Variants in UQCR11 observed in about 807,000 individuals in gnomAD.
The protein encoded by UQCR11 is cytochrome b-c1 complex subunit 10.
In UQCR11, 10 loss-of-function variants were observed where a neutral mutation model predicts 7.6. The ratio of observed to expected loss-of-function variants is 1.31; its 90% CI spans 0.81 to 2.22. The LOEUF (loss-of-function observed/expected upper bound fraction) is 2.22. UQCR11 is among the 30% of genes most tolerant of loss of function. The pLI, the probability that UQCR11 is intolerant of heterozygous loss-of-function variation, is 0.00. For synonymous variants in UQCR11, 34 were observed against 34.9 expected (o/e 0.97, Z 0.09); for missense variants, 86 against 75.1 (o/e 1.15, Z -0.54).
rs987279753 is a variant in UQCR11 at position 1,599,327 on chromosome 19, C to T, written c.*28+85G>A. On this transcript the variant is annotated intron_variant, in intron 2 of 2. Coordinates refer to ENST00000591899, the MANE Select transcript of UQCR11 (RefSeq NM_006830.4). ...AGGGGGAGCAGTGAGGGCTGCCGCC[C>T]CGGCTCTGGGAGCCTGGAGAACCCA... is the stretch of plus-strand genomic sequence containing the variant. 2.6e-6 allele frequency: 4 copies of T among 1,542,438 alleles called. No individual in the cohort carries two copies. In the African/African-American group the frequency reaches 5.4e-5, roughly 21 times the overall value.
Position 1,599,448 on chromosome 19 carries a change from C to A in UQCR11, c.163G>T (p.Asp55Tyr), listed in dbSNP as rs1392745450. The A allele has an allele frequency of 6.2e-7, 1 of 1,613,752 alleles. No individual in the cohort carries two copies. The highest frequency in any genetic ancestry group is 1.7e-5 in the Admixed American group (1 of 60,006). Reference sequence around the variant, plus strand: ...GTGAAGGGTTTGTGTAATTAATTATCCTTCTTAAACTTGCCATTGATGTAA... The same window carrying A: ...GTGAAGGGTTTGTGTAATTAATTATACTTCTTAAACTTGCCATTGATGTAA... The part of the protein sequence containing the change: ...VPYINGKFKK[D>Y]N The change falls in exon 2 of 3, where the codon GAT becomes TAT. Residue 55 changes from aspartate (D) to tyrosine (Y), a missense_variant. Coordinates refer to ENST00000591899, the MANE Select transcript of UQCR11 (RefSeq NM_006830.4).
intron 1 of UQCR11, 42 bp downstream of exon 1, chr19:1,605,318 C>T (rs557374027): frequency 6.5e-6 from 10 of 1,544,688 alleles, no homozygotes; most frequent in Admixed American, 4.0e-5. Flanking sequence ...GGGGCTGGGC[C>T]GAGGCGGGAG....
intron 2 of UQCR11, 173 bp downstream of exon 2, chr19:1,599,239 G>T: frequency 1.3e-6 from 1 of 787,740 alleles, no homozygotes; most frequent in African/African-American, 1.7e-5. Flanking sequence ...ACAGTTCTGT[G>T]CCCGTGGGCC....
At chr19:1,601,004 A>G (rs2060745710) in intron 1 of UQCR11, among the ~76,000 whole-genome samples, 1 of 152,036 alleles carries the variant, frequency 6.6e-6, no homozygotes, top group African/African-American at 2.4e-5. Context: ...CCCCATCTCT[A>G]CTAAAAATAC....
chr19:1,600,653 C>G (rs1568282559), intron 1 of UQCR11, among the ~76,000 whole-genome samples: 1 of 152,148 alleles, frequency 6.6e-6, no homozygotes, highest in Non-Finnish European at 1.5e-5. Context: ...AGGAGGCTCA[C>G]TTGAGCCTAG....
At chr19:1,602,734 G>A (rs575734996) in intron 1 of UQCR11, among the ~76,000 whole-genome samples, 2 of 152,168 alleles carry the variant, frequency 1.3e-5, no homozygotes, top group Admixed American at 6.5e-5. Context: ...TTACACGCGT[G>A]AGCCACTGCG....
rs2060734104 is a variant in UQCR11, at chr19:1,597,327, T to C, written c.*917A>G. The stretch of plus-strand genomic sequence containing the variant: ...TTGGGATTGTAGGCTGAGCCACCAC[T>C]CCCAGCCTGTTCATTTTTGTATCCC... On this transcript the variant is annotated 3_prime_UTR_variant, in exon 3 of 3. Transcript: ENST00000591899. The C allele has an allele frequency of 6.6e-6, 1 of 152,076 alleles. No individual in the cohort carries two copies. Among genetic ancestry groups the C allele is most frequent in the Non-Finnish European group, 1.5e-5 (1 of 68,012 alleles). 9.4% of individuals were successfully genotyped at this position (152,076 alleles called of 1,614,324 possible). A position where few individuals can be genotyped will look rare whatever the true frequency, so the allele number is the denominator to read the frequency against.
intron 1 of UQCR11, among the ~76,000 whole-genome samples, chr19:1,600,963 G>A (rs2060745621): frequency 6.6e-6 from 1 of 152,012 alleles, no homozygotes; most frequent in Non-Finnish European, 1.5e-5. Flanking sequence ...GAGGTCAGGA[G>A]TTCAAGACCA....
chr19:1,598,498 C>T (rs1158607584), intron 2 of UQCR11, among the ~76,000 whole-genome samples: 2 of 151,406 alleles, frequency 1.3e-5, no homozygotes, highest in East Asian at 1.9e-4. Flanking sequence ...GCGCCAAGAT[C>T]GCGTCATTGC....
chr19:1,601,703 C>T (rs1394660535), intron 1 of UQCR11, among the ~76,000 whole-genome samples: 1 of 152,062 alleles, frequency 6.6e-6, no homozygotes, highest in Non-Finnish European at 1.5e-5. Flanking sequence ...GAGACTGCAG[C>T]CTCACAAGAG....
Position 1,599,578 on chromosome 19 carries a change from A to T in UQCR11, c.51-18T>A. 2 of 1,605,152 alleles carry T rather than the reference A, an allele frequency of 1.2e-6. No homozygotes were observed. Among genetic ancestry groups the T allele is most frequent in the African/African-American group, 1.3e-5 (1 of 75,036 alleles). ...TCGGGACCCTGCGAGAGGAGAGGGG[A>T]TGGTCAGGCCTGCTCTGGACCCTTT... On this transcript the variant is annotated intron_variant, in intron 1 of 2. Coordinates refer to ENST00000591899, the MANE Select transcript of UQCR11 (RefSeq NM_006830.4).
At chr19:1,605,274 C>T (rs1310976334) in intron 1 of UQCR11, 86 bp downstream of exon 1, 2 of 1,433,756 alleles carry the variant, frequency 1.4e-6, no homozygotes, top group South Asian at 1.4e-5. Flanking sequence ...GCCCGGCCCC[C>T]GGAAACGCGC....
At chr19:1,603,437 C>T (rs1401982876) in intron 1 of UQCR11, among the ~76,000 whole-genome samples, 1 of 152,034 alleles carries the variant, frequency 6.6e-6, no homozygotes, top group East Asian at 1.9e-4. Flanking sequence ...CCCATCTCCA[C>T]TAAAAAATAC....
At chr19:1,599,116 G>A (rs2060739618) in intron 2 of UQCR11, 2 of 325,308 alleles carry the variant, frequency 6.1e-6, no homozygotes, top group Non-Finnish European at 5.9e-6. Flanking sequence ...ACCCAGTTCA[G>A]GCTGCAGTGC....
chr19:1,599,518 C>T lies in UQCR11; in HGVS notation c.93G>A (p.Gly31=), dbSNP rs750499511. 1 of 1,613,002 alleles carries T rather than the reference C, an allele frequency of 6.2e-7. No homozygotes were observed. The change falls in exon 2 of 3, where the codon GGG becomes GGA. Residue 31 remains glycine, a synonymous_variant. Coordinates refer to ENST00000591899, the MANE Select transcript of UQCR11 (RefSeq NM_006830.4). ...AYTWGAVGAV[G]LVWATDWRLI... is the part of the protein sequence containing the mutation. Reference sequence around the variant, plus strand: ...GCCGCCAATCGGTGGCCCACACCAGCCCCACGGCGCCCACAGCGCCCCATG... The same window carrying T: ...GCCGCCAATCGGTGGCCCACACCAGTCCCACGGCGCCCACAGCGCCCCATG...
intron 1 of UQCR11, among the ~76,000 whole-genome samples, chr19:1,601,780 G>A (rs868161748): frequency 1.1e-4 from 17 of 152,092 alleles, no homozygotes; most frequent in Admixed American, 2.6e-4. Context: ...TAGTTTAAGC[G>A]GCTAATTTTG....
chr19:1,602,156 T>C (rs2060749128), intron 1 of UQCR11: 1 of 151,892 alleles, frequency 6.6e-6, no homozygotes, highest in Non-Finnish European at 1.5e-5. Flanking sequence ...TGAGACTCTG[T>C]CTCGGAAGAA....
chr19:1,605,399 C>T lies in UQCR11; in HGVS notation c.11G>A (p.Arg4Gln), dbSNP rs1218635062. The T allele has an allele frequency of 1.3e-6, 2 of 1,572,280 alleles. No homozygotes were observed. The highest frequency in any genetic ancestry group is 1.7e-6 in the Non-Finnish European group (2 of 1,163,484). The change falls in exon 1 of 3, where the codon CGG becomes CAG. Residue 4 changes from arginine (R) to glutamine (Q), a missense_variant. By Grantham distance (43) the Arg-to-Gln change is conservative. Coordinates refer to ENST00000591899, the MANE Select transcript of UQCR11 (RefSeq NM_006830.4). MVT[R>Q]FLGPRYRELV... ...CTCCCGGTAGCGTGGGCCCAGGAAC[C>T]GGGTCACCATCGCGGCGGAGTCGCA...
intron 1 of UQCR11, among the ~76,000 whole-genome samples, chr19:1,600,509 G>A (rs760223477): frequency 2.4e-4 from 36 of 151,614 alleles, no homozygotes; most frequent in Non-Finnish European, 5.2e-4. Context: ...CACCGCGCCC[G>A]GCCGGGCACA....
Sources: gnomAD v4.1 joint callset for allele counts (sites outside exome capture counted in the v4.1 genomes callset) on GRCh38, gnomAD v4.1.1 for gene constraint, MANE v1.5 for transcripts, NCBI Gene and HGNC (gene_info 2026-07-23, HGNC 2026-07-21) for gene names.